Variants in CTTNBP2 observed in about 807,000 individuals in gnomAD.
The protein encoded by CTTNBP2 is cortactin-binding protein 2.
Under a neutral mutation model 156.9 loss-of-function variants are expected in CTTNBP2, and 108 were observed. The observed-to-expected ratio is 0.69, with a 90% confidence interval of 0.59 to 0.81. The LOEUF (loss-of-function observed/expected upper bound fraction) is 0.81. Ranked by LOEUF, CTTNBP2 falls within the 30% of genes least tolerant of loss-of-function variation. The probability of loss-of-function intolerance (pLI) is 0.00; values close to 1 mark genes in which losing one functional copy is unlikely to be tolerated. For missense variants in CTTNBP2, 1,924 were observed against 2,035.4 expected (o/e 0.95, Z 1.05); for synonymous variants, 767 against 751.8 (o/e 1.02, Z -0.33).
intron 2 of CTTNBP2, among the ~76,000 whole-genome samples, chr7:117,823,709 T>C (rs935233022): frequency 6.6e-6 from 1 of 152,160 alleles, no homozygotes; most frequent in African/African-American, 2.4e-5. Flanking sequence ...ACTTTTCGTT[T>C]GTTTTTGGAG....
At chr7:117,798,230 T>A (rs531740055) in intron 3 of CTTNBP2, among the ~76,000 whole-genome samples, 52 of 152,204 alleles carry the variant, frequency 3.4e-4, no homozygotes, top group African/African-American at 1.2e-3. Flanking sequence ...AGAATATAAA[T>A]AGTATATCTG....
chr7:117,715,553 T>G (rs576474516), intron 22 of CTTNBP2, among the ~76,000 whole-genome samples: 1 of 151,414 alleles, frequency 6.6e-6, no homozygotes, highest in Non-Finnish European at 1.5e-5. Context: ...TTCAGAGGAT[T>G]AGTTTGGATT....
At position 117,813,725 on chromosome 7, in the gene CTTNBP2, T is replaced by C. The variant is rs1006011049; in HGVS notation, c.190-2736A>G. On this transcript the variant is annotated intron_variant, in intron 2 of 22. Coordinates refer to ENST00000160373, the MANE Select transcript of CTTNBP2 (RefSeq NM_033427.3). ...CACCAAGATCTGCAGGAAAAACCTA[T>C]TGTCATTCAAAAGTCTCTCTGAACC... Among the ~76,000 whole-genome samples the C allele has an allele frequency of 3.9e-5, 6 of 152,232 alleles. No individual in the cohort carries two copies. In the South Asian group the frequency reaches 8.3e-4, roughly 21 times the overall value.
rs555422342 is a variant in CTTNBP2, at chr7:117,837,333, A to C, written c.189+23876T>G. ...ACATCCACCAGCCTAATACACTTTT[A>C]CTACTTTTCTCACTACCACTAATTT... is the stretch of plus-strand genomic sequence containing the variant. On this transcript the variant is annotated intron_variant, in intron 2 of 22. Coordinates refer to ENST00000160373, the MANE Select transcript of CTTNBP2 (RefSeq NM_033427.3). 2.6e-5 allele frequency among the ~76,000 whole-genome samples: 4 copies of C among 152,280 alleles called. No individual in the cohort carries two copies. The South Asian group carries it at 8.3e-4, about 32-fold the overall frequency.
At chr7:117,725,363 G>A (rs1795034064) in intron 17 of CTTNBP2, 106 bp from the exon 18 acceptor site, 2 of 997,234 alleles carry the variant, frequency 2.0e-6, no homozygotes, top group African/African-American at 1.6e-5. Context: ...AACGTTAAGT[G>A]TTTCTATAGA....
intron 12 of CTTNBP2, among the ~76,000 whole-genome samples, chr7:117,752,545 AT>A (rs1024472931): frequency 1.4e-4 from 22 of 152,344 alleles, no homozygotes; most frequent in African/African-American, 5.3e-4. Context: ...GTATTTAAAA[AT>A]AACATCATTT....
At chr7:117,807,409 A>T (rs1800011126) in intron 3 of CTTNBP2, among the ~76,000 whole-genome samples, 1 of 152,230 alleles carries the variant, frequency 6.6e-6, no homozygotes, top group Non-Finnish European at 1.5e-5. Flanking sequence ...ATGGCAGAAT[A>T]AAGTACAATT....
chr7:117,860,691 TA>T (rs1377222965), intron 2 of CTTNBP2, among the ~76,000 whole-genome samples: 8 of 152,130 alleles, frequency 5.3e-5, no homozygotes, highest in African/African-American at 1.9e-4. Flanking sequence ...ATTACAGAAA[TA>T]TTTCAAAATT....
rs773186799 is a variant in CTTNBP2 at position 117,728,206 on chromosome 7, G to A, written c.3938C>T (p.Ser1313Phe). 9 of 1,614,198 alleles carry A rather than the reference G, an allele frequency of 5.6e-6. No homozygotes were observed. The highest frequency in any genetic ancestry group is 1.7e-5 in the Admixed American group (1 of 60,026). ...GCAGGAGTTAAGCTGACGCCAGACGGACAGAGCCCAGTCGACAATCTTGCA... is the reference window on the plus strand; with the variant it reads ...GCAGGAGTTAAGCTGACGCCAGACGAACAGAGCCCAGTCGACAATCTTGCA... ...PVCKIVDWAL[S>F]VWRQLNSCLA... Residue 1313 changes from serine (S) to phenylalanine (F), a missense_variant, in exon 17 of 23, where the codon TCC becomes TTC. Ser to Phe is a radical substitution (Grantham distance 155). Transcript: ENST00000160373.
intron 2 of CTTNBP2, among the ~76,000 whole-genome samples, chr7:117,847,395 G>T (rs1477448962): frequency 2.0e-5 from 3 of 152,172 alleles, no homozygotes; most frequent in African/African-American, 7.2e-5. Context: ...ACTTAGCTGG[G>T]CGTGGAGGTA....
Position 117,792,384 on chromosome 7 carries a change from C to T in CTTNBP2, c.812G>A (p.Arg271Lys). 6.2e-7 allele frequency: 1 copy of T among 1,614,174 alleles called. No homozygotes were observed. Among genetic ancestry groups the T allele is most frequent in the Non-Finnish European group, 8.5e-7 (1 of 1,180,034 alleles). The change falls in exon 4 of 23, where the codon AGG becomes AAG. Residue 271 changes from arginine to lysine, a missense_variant. Coordinates refer to ENST00000160373, the MANE Select transcript of CTTNBP2 (RefSeq NM_033427.3). The surrounding 1 kb of genome is among the most constrained non-coding windows in gnomAD (Gnocchi z 4.2). ...KMRKMIEQLK[R>K]GSDSKPSLSL... ...GAGGCTTGGTTTGCTGTCACTTCCC[C>T]TTTTCAGTTGCTCAATCATTTTCCT... is the stretch of plus-strand genomic sequence containing the variant.
At chr7:117,867,828 A>T (rs559865583) in intron 1 of CTTNBP2, among the ~76,000 whole-genome samples, 1 of 152,304 alleles carries the variant, frequency 6.6e-6, no homozygotes, top group East Asian at 1.9e-4. Flanking sequence ...ATGCACCTCA[A>T]ATCAACCACA....
chr7:117,864,832 ATATATTCATTC>A (rs1804048505), intron 1 of CTTNBP2, among the ~76,000 whole-genome samples: 1 of 141,216 alleles, frequency 7.1e-6, no homozygotes, highest in Non-Finnish European at 1.5e-5. Flanking sequence ...ATATATTCAT[ATATATTCATTC>A]TATATTCATA....
chr7:117,873,291 C>A (rs568338547), intron 1 of CTTNBP2, 44 bp downstream of exon 1: 12 of 1,324,424 alleles, frequency 9.1e-6, no homozygotes, highest in Non-Finnish European at 1.2e-5. Context: ...CGCCCCCGGC[C>A]CGCGTCTACA....
chr7:117,715,775 G>T (rs992189116), intron 22 of CTTNBP2: 1 of 152,150 alleles, frequency 6.6e-6, no homozygotes, highest in Non-Finnish European at 1.5e-5. Context: ...TGGTTGCAGG[G>T]CCCCTCTTCA....
In CTTNBP2 at chr7:117,791,172, G is replaced by C; in HGVS notation, c.2024C>G (p.Ser675Cys). The change falls in exon 4 of 23, where the codon TCC becomes TGC. Residue 675 changes from serine to cysteine, a missense_variant. Coordinates refer to ENST00000160373, the MANE Select transcript of CTTNBP2 (RefSeq NM_033427.3). ...CSSINPVSAS[S>C]CRPGASDSLL... ...GCTGTCTGAGGCACCTGGTCTACAGGATGAGGCACTAACGGGGTTTATGGA... is the reference window on the plus strand; with the variant it reads ...GCTGTCTGAGGCACCTGGTCTACAGCATGAGGCACTAACGGGGTTTATGGA... 6.2e-7 allele frequency: 1 copy of C among 1,614,066 alleles called. No individual in the cohort carries two copies. Among genetic ancestry groups the C allele is most frequent in the East Asian group, 2.2e-5 (1 of 44,888 alleles).
chr7:117,806,391 G>A (rs1799941988), intron 3 of CTTNBP2, among the ~76,000 whole-genome samples: 1 of 152,152 alleles, frequency 6.6e-6, no homozygotes, highest in African/African-American at 2.4e-5. Context: ...AATTGAGAAA[G>A]CAGAGTGCAT....
At chr7:117,865,043 T>C (rs2117272768) in intron 1 of CTTNBP2, among the ~76,000 whole-genome samples, 1 of 150,192 alleles carries the variant, frequency 6.7e-6, no homozygotes, top group African/African-American at 2.4e-5. Flanking sequence ...TACTTAGATA[T>C]AGAAAAAATA....
At chr7:117,711,875 TTCTC>T (rs1183610451) in intron 22 of CTTNBP2, 93 bp from the exon 23 acceptor site, 3 of 1,285,862 alleles carry the variant, frequency 2.3e-6, no homozygotes, top group Non-Finnish European at 3.2e-6. Flanking sequence ...GTACAGGAGT[TTCTC>T]TCTAAAACTA....
Sources: gnomAD v4.1 joint callset for allele counts (sites outside exome capture counted in the v4.1 genomes callset) on GRCh38, gnomAD v4.1.1 for gene constraint, Gnocchi (gnomAD v3.1) non-coding constraint, MANE v1.5 for transcripts, NCBI Gene and HGNC (gene_info 2026-07-23, HGNC 2026-07-21) for gene names.